TMEM117: variants seen among roughly 807,000 people sequenced by gnomAD.
TMEM117 encodes the protein transmembrane protein 117.
TMEM117 carries 27 observed loss-of-function variants against 52.4 expected under a neutral mutation model. That is an observed-to-expected ratio of 0.51 (90% CI 0.38 to 0.71). The LOEUF is 0.71. TMEM117 is among the 30% of genes least tolerant of loss of function. The pLI is 0.00. For synonymous variants in TMEM117, 215 were observed against 206.3 expected, an observed-to-expected ratio of 1.04 and a Z score of -0.36; for missense variants, 556 against 630.5, an observed-to-expected ratio of 0.88 and a Z score of 1.26.
At chr12:44,196,958 A>G (rs1230861201) in intron 4 of TMEM117, among the ~76,000 whole-genome samples, 1 of 152,188 alleles carries the variant, frequency 6.6e-6, no homozygotes, top group African/African-American at 2.4e-5. Flanking sequence ...TCAAGCCTAT[A>G]GTTATCTTCC....
the TMEM117 span, among the ~76,000 whole-genome samples, chr12:43,817,096 T>C: frequency 6.6e-6 from 1 of 152,254 alleles, no homozygotes; most frequent in African/African-American, 2.4e-5. Flanking sequence ...GGTTTTAATA[T>C]GCTCTTCTTA....
chr12:44,297,026 G>A (rs573135537), intron 5 of TMEM117, among the ~76,000 whole-genome samples: 1 of 152,146 alleles, frequency 6.6e-6, no homozygotes, highest in Non-Finnish European at 1.5e-5. Context: ...CTCGAAAAAG[G>A]CACTTTTTTC....
intron 2 of TMEM117, among the ~76,000 whole-genome samples, chr12:43,905,134 ACTCGGTCT>A (rs1181657745): frequency 6.8e-6 from 1 of 146,050 alleles, no homozygotes; most frequent in African/African-American, 2.7e-5. Context: ...CAAGAGCAAA[ACTCGGTCT>A]CAAAAAAAAA....
chr12:44,095,395 A>G (rs190535954), intron 3 of TMEM117, among the ~76,000 whole-genome samples: 3 of 152,232 alleles, frequency 2.0e-5, no homozygotes, highest in African/African-American at 7.2e-5. Context: ...GCCATTTTGT[A>G]TGAATCTTAT....
At chr12:43,846,098 C>T (rs891000444) in intron 2 of TMEM117, among the ~76,000 whole-genome samples, 1 of 151,996 alleles carries the variant, frequency 6.6e-6, no homozygotes, top group Non-Finnish European at 1.5e-5. Flanking sequence ...TTTACTCTCT[C>T]TCTCTTTTTT....
intron 7 of TMEM117, among the ~76,000 whole-genome samples, chr12:44,387,115 C>T (rs1047330240): frequency 1.3e-5 from 2 of 151,442 alleles, no homozygotes; most frequent in Non-Finnish European, 2.9e-5. Context: ...ATACATGATA[C>T]TTGCAATAAT....
intron 3 of TMEM117, among the ~76,000 whole-genome samples, chr12:44,117,801 AT>A (rs1454529457): frequency 6.6e-6 from 1 of 152,092 alleles, no homozygotes; most frequent in Non-Finnish European, 1.5e-5. Flanking sequence ...TCGGAATGAT[AT>A]TATTTGACTC....
intron 3 of TMEM117, among the ~76,000 whole-genome samples, chr12:44,036,298 A>G (rs964545715): frequency 2.6e-5 from 4 of 152,170 alleles, no homozygotes; most frequent in Non-Finnish European, 5.9e-5. Context: ...TTTTCTACCT[A>G]CCACTCAGCT....
chr12:44,396,744 C>T, the TMEM117 span, among the ~76,000 whole-genome samples: 5 of 151,354 alleles, frequency 3.3e-5, no homozygotes, highest in Non-Finnish European at 7.4e-5. Context: ...ATCCCAGATA[C>T]TCAGGAGGCT....
At chr12:43,889,124 C>A (rs1402902066) in intron 2 of TMEM117, among the ~76,000 whole-genome samples, 2 of 151,426 alleles carry the variant, frequency 1.3e-5, no homozygotes, top group Middle Eastern at 3.4e-3. Context: ...CTCTTGTCAC[C>A]CAAGCTGGAG....
At chr12:43,990,775 C>G (rs1945925081) in intron 3 of TMEM117, among the ~76,000 whole-genome samples, 1 of 152,070 alleles carries the variant, frequency 6.6e-6, no homozygotes, top group African/African-American at 2.4e-5. Context: ...GCATAAGAGA[C>G]CTGCCCAAAG....
At chr12:44,302,615 T>G (rs1950855225) in intron 6 of TMEM117, among the ~76,000 whole-genome samples, 1 of 152,230 alleles carries the variant, frequency 6.6e-6, no homozygotes. Flanking sequence ...TCCATGGAGC[T>G]TCCCAAGCAA....
chr12:43,855,217 G>A (rs760553181), intron 2 of TMEM117, among the ~76,000 whole-genome samples: 9 of 152,014 alleles, frequency 5.9e-5, no homozygotes, highest in Non-Finnish European at 8.8e-5. Context: ...TCGGAACTGT[G>A]GAAACTGGAT....
intron 4 of TMEM117, among the ~76,000 whole-genome samples, chr12:44,180,211 G>GATCACC (rs1281429046): frequency 2.0e-5 from 3 of 152,112 alleles, no homozygotes; most frequent in Admixed American, 6.5e-5. Context: ...TCGCTGCTGT[G>GATCACC]ATCACCATCA....
At chr12:44,237,223 G>A (rs541476171) in intron 5 of TMEM117, among the ~76,000 whole-genome samples, 4 of 151,930 alleles carry the variant, frequency 2.6e-5, no homozygotes, top group African/African-American at 7.3e-5. Context: ...AAACAGTCAC[G>A]TTTCATCTGC....
intron 3 of TMEM117, among the ~76,000 whole-genome samples, chr12:44,127,748 G>C (rs1175715519): frequency 1.3e-5 from 2 of 152,110 alleles, no homozygotes; most frequent in Admixed American, 1.3e-4. Context: ...CCGTTGAAAG[G>C]CTGCAGAAGC....
At chr12:44,192,111 A>G (rs938687699) in intron 4 of TMEM117, among the ~76,000 whole-genome samples, 90 of 152,188 alleles carry the variant, frequency 5.9e-4, no homozygotes, top group Non-Finnish European at 1.9e-4. Context: ...CTAGTGATAT[A>G]TACTCAATCT....
At chr12:44,076,619 T>TAGCAAA (rs2137998866) in intron 3 of TMEM117, among the ~76,000 whole-genome samples, 1 of 152,340 alleles carries the variant, frequency 6.6e-6, no homozygotes, top group South Asian at 2.1e-4. Flanking sequence ...TAAATATGGA[T>TAGCAAA]AGCAAATCAG....
chr12:44,185,251 G>C (rs951857353), intron 4 of TMEM117, among the ~76,000 whole-genome samples: 1 of 152,146 alleles, frequency 6.6e-6, no homozygotes, highest in East Asian at 1.9e-4. Flanking sequence ...GTAATACAAA[G>C]CATGATTGCT....
Sources: gnomAD v4.1 joint callset for allele counts (sites outside exome capture counted in the v4.1 genomes callset) on GRCh38, gnomAD v4.1.1 for gene constraint, MANE v1.5 for transcripts, NCBI Gene and HGNC (gene_info 2026-07-23, HGNC 2026-07-21) for gene names.